The following MRC1 variants were observed in gnomAD, a reference collection of about 807,000 sequenced individuals.
MRC1 encodes the protein mannose receptor C-type 1, also known as macrophage mannose receptor 1.
A neutral mutation model predicts 102.9 loss-of-function variants in MRC1; 62 were observed. That is an observed-to-expected ratio of 0.60 (90% confidence interval 0.49 to 0.74). The LOEUF (loss-of-function observed/expected upper bound fraction) is 0.74. Ranked by LOEUF, MRC1 falls within the 30% of genes least tolerant of loss-of-function variation. The probability of loss-of-function intolerance (pLI) is 0.00; values close to 1 mark genes in which losing one functional copy is unlikely to be tolerated. For synonymous variants in MRC1, 457 were observed against 298.4 expected (o/e 1.53, Z -5.48); for missense variants, 1,237 against 862.8 (o/e 1.43, Z -5.43).
intron 8 of MRC1, among the ~76,000 whole-genome samples, chr10:17,853,487 A>G (rs1833018609): frequency 6.6e-6 from 1 of 152,112 alleles, no homozygotes; most frequent in East Asian, 1.9e-4. Context: ...CAATTAAGCC[A>G]TATATATGAT....
In MRC1 at chr10:17,849,557, CGA is replaced by C. The variant is rs2130641762; in HGVS notation, c.1064-21_1064-20del. ...AATCAAATCTTTTAAAATTTTTTTC[CGA>C]CCCCCCTTTTTGTTTCTAGAAAGTG... is the stretch of plus-strand genomic sequence containing the variant. On this transcript the variant is annotated intron_variant, in intron 6 of 29. Coordinates refer to ENST00000569591, the MANE Select transcript of MRC1 (RefSeq NM_002438.4). 6.7e-6 allele frequency: 3 copies of C among 450,036 alleles called. No individual in the cohort carries two copies. The highest frequency in any genetic ancestry group is 6.6e-5 in the South Asian group (3 of 45,416). The allele number at this position is 450,036 out of a possible 1,614,324, so 27.9% of individuals were successfully genotyped here. A position where few individuals can be genotyped will look rare whatever the true frequency, so the allele number is the denominator to read the frequency against.
chr10:17,864,674 CA>C (rs1833236068), intron 11 of MRC1, among the ~76,000 whole-genome samples: 1 of 151,820 alleles, frequency 6.6e-6, no homozygotes, highest in Admixed American at 6.6e-5. Flanking sequence ...ACTAAAAATA[CA>C]AAAATTAGCC....
chr10:17,907,637 T>C lies in MRC1; in HGVS notation c.4017T>C (p.Ser1339=). 1.3e-6 allele frequency: 1 copy of C among 780,892 alleles called. No individual in the cohort carries two copies. Among genetic ancestry groups the C allele is most frequent in the Non-Finnish European group, 2.4e-6 (1 of 417,962 alleles). 48.4% of individuals were successfully genotyped at this position (780,892 alleles called of 1,614,324 possible). The part of the protein sequence containing the change: ...RNDCVALHAS[S]GFWSNIHCSS... ...ATTGTGTAGCTTTACATGCGTCTTC[T>C]GGGTTTTGGAGTAATATTCACTGTT... The change falls in exon 28 of 30, where the codon TCT becomes TCC. Residue 1339 remains serine, a synonymous_variant. Coordinates refer to ENST00000569591, the MANE Select transcript of MRC1 (RefSeq NM_002438.4).
chr10:17,865,600 G>T (rs988519244), intron 11 of MRC1: 6 of 152,394 alleles, frequency 3.9e-5, no homozygotes, highest in Admixed American at 6.5e-5. Flanking sequence ...GTTTACAGCT[G>T]CAGGAGGAGT....
intron 12 of MRC1, among the ~76,000 whole-genome samples, chr10:17,868,466 C>T (rs1424775731): frequency 6.6e-6 from 1 of 152,164 alleles, no homozygotes; most frequent in East Asian, 1.9e-4. Context: ...CCTTCATGCT[C>T]CAATCACTTC....
intron 9 of MRC1, among the ~76,000 whole-genome samples, chr10:17,859,838 T>C (rs1833155537): frequency 6.6e-6 from 1 of 152,228 alleles, no homozygotes; most frequent in African/African-American, 2.4e-5. Context: ...AACTTGGAAC[T>C]GTCACTCATC....
intron 17 of MRC1, among the ~76,000 whole-genome samples, chr10:17,876,202 C>T (rs1833434798): frequency 6.6e-6 from 1 of 151,874 alleles, no homozygotes; most frequent in East Asian, 1.9e-4. Flanking sequence ...ACAAGTTATG[C>T]CCTATTGTTT....
At chr10:17,853,948 T>A (rs886458284) in intron 8 of MRC1, among the ~76,000 whole-genome samples, 3 of 152,004 alleles carry the variant, frequency 2.0e-5, no homozygotes, top group Admixed American at 1.3e-4. Context: ...ATGAGGTTTT[T>A]TTTTTTGTTG....
At chr10:17,851,042 T>C (rs1316616111) in intron 7 of MRC1, among the ~76,000 whole-genome samples, 11 of 152,216 alleles carry the variant, frequency 7.2e-5, no homozygotes, top group African/African-American at 2.4e-4. Context: ...GAATAACAAT[T>C]ACTTAAATTT....
At chr10:17,812,813 T>C (rs1171084338) in intron 1 of MRC1, among the ~76,000 whole-genome samples, 3 of 152,082 alleles carry the variant, frequency 2.0e-5, no homozygotes, top group Non-Finnish European at 4.4e-5. Context: ...CCTCGTGATC[T>C]GCCCACCTTA....
intron 29 of MRC1, 78 bp downstream of exon 29, chr10:17,909,425 C>A (rs1245043497): frequency 1.3e-4 from 106 of 789,744 alleles, no homozygotes; most frequent in Non-Finnish European, 2.1e-4. Context: ...TAATCATAAT[C>A]CCTTCCAACT....
intron 1 of MRC1, among the ~76,000 whole-genome samples, chr10:17,820,594 C>T (rs1469012944): frequency 1.3e-5 from 2 of 151,520 alleles, no homozygotes; most frequent in Non-Finnish European, 2.9e-5. Context: ...GTGAAAATGG[C>T]CAAAGTATAA....
At chr10:17,902,177 C>A (rs1833837963) in intron 26 of MRC1, 55 bp downstream of exon 26, 2 of 741,098 alleles carry the variant, frequency 2.7e-6, no homozygotes, top group Non-Finnish European at 5.0e-6. Context: ...CTGGGGTCCA[C>A]TGACACTATA....
In MRC1 at chr10:17,812,622, A is replaced by T. The variant is rs888165714; in HGVS notation, c.61+3096A>T. 2.8e-3 allele frequency among the ~76,000 whole-genome samples: 351 copies of T among 123,210 alleles called. 1 individual carries two copies. Among genetic ancestry groups the T allele is most frequent in the African/African-American group, 9.8e-3 (306 of 31,180 alleles). 80.8% of individuals were successfully genotyped at this position (123,210 alleles called of 152,430 possible). ...AGTCTCTCTCTGTCACCCAGCCTTG[A>T]GTGCAATGGTGTGATCTTGGCTCAC... On this transcript the variant is annotated intron_variant, in intron 1 of 29. Transcript: ENST00000569591.
intron 21 of MRC1, among the ~76,000 whole-genome samples, chr10:17,883,367 G>C (rs1833544900): frequency 6.6e-6 from 1 of 151,878 alleles, no homozygotes; most frequent in Non-Finnish European, 1.5e-5. Context: ...GATCTCAAGT[G>C]ATCCTCCCAC....
Position 17,866,558 on chromosome 10 carries a change from G to T in MRC1, c.1784-4G>T. On this transcript the variant is annotated splice_region_variant and splice_polypyrimidine_tract_variant and intron_variant, in intron 11 of 29. Coordinates refer to ENST00000569591, the MANE Select transcript of MRC1 (RefSeq NM_002438.4). Reference sequence around the variant, plus strand: ...GTGAATTCTACTTCATATATTTAATGCAGGGCGAAAGCCAGGGTGTGTTGC... The same window carrying T: ...GTGAATTCTACTTCATATATTTAATTCAGGGCGAAAGCCAGGGTGTGTTGC... 1.3e-6 allele frequency: 1 copy of T among 780,860 alleles called. No homozygotes were observed. Among genetic ancestry groups the T allele is most frequent in the South Asian group, 1.3e-5 (1 of 74,622 alleles). The allele number at this position is 780,860 out of a possible 1,614,324, so 48.4% of individuals were successfully genotyped here.
intron 10 of MRC1, among the ~76,000 whole-genome samples, chr10:17,862,079 C>T (rs1833192657): frequency 1.3e-5 from 2 of 152,158 alleles, no homozygotes; most frequent in African/African-American, 4.8e-5. Context: ...GGATTAGCCA[C>T]AGAAGAAAGT....
chr10:17,867,370 T>TCTC (rs1833289508), intron 12 of MRC1, among the ~76,000 whole-genome samples: 1 of 128,194 alleles, frequency 7.8e-6, no homozygotes, highest in Admixed American at 7.7e-5. Context: ...TTCTCCTTCT[T>TCTC]CTTCTTCTTC....
At chr10:17,909,431 C>G (rs1461698045) in intron 29 of MRC1, 84 bp downstream of exon 29, 13 of 780,616 alleles carry the variant, frequency 1.7e-5, no homozygotes, top group Non-Finnish European at 2.6e-5. Context: ...TAATCCCTTC[C>G]AACTCCCCTG....
Sources: gnomAD v4.1 joint callset for allele counts (sites outside exome capture counted in the v4.1 genomes callset) on GRCh38, gnomAD v4.1.1 for gene constraint, MANE v1.5 for transcripts, NCBI Gene and HGNC (gene_info 2026-07-23, HGNC 2026-07-21) for gene names.